MYO1B: variants seen among roughly 807,000 people sequenced by gnomAD.
The protein encoded by MYO1B is myosin IB.
Under a neutral mutation model 159.7 loss-of-function variants are expected in MYO1B, and 72 were observed. The ratio of observed to expected loss-of-function variants is 0.45; its 90% confidence interval spans 0.37 to 0.55. The LOEUF (loss-of-function observed/expected upper bound fraction) is 0.55, where lower values mean the gene tolerates loss of function less well. MYO1B is among the 20% of genes least tolerant of loss of function. MYO1B has a pLI of 0.00. For missense variants in MYO1B, 1,062 were observed against 1,364.8 expected (o/e 0.78, Z 3.50); for synonymous variants, 468 against 473.8 (o/e 0.99, Z 0.16).
chr2:191,297,831 G>A lies in MYO1B; in HGVS notation c.251+1605G>A, dbSNP rs376709131. 2.0e-5 allele frequency among the ~76,000 whole-genome samples: 3 copies of A among 152,174 alleles called. 1 individual carries two copies. The East Asian group carries it at 5.8e-4, about 29-fold the overall frequency. ...ACAATGTCTGGAGACATTTTTGATT[G>A]TGAAACTGGGGGTAGGAGGGTGCTT... On this transcript the variant is annotated intron_variant, in intron 3 of 30. Transcript: ENST00000392318.
chr2:191,251,571 T>C (rs966359422), intron 1 of MYO1B, among the ~76,000 whole-genome samples: 17 of 152,234 alleles, frequency 1.1e-4, no homozygotes, highest in African/African-American at 3.9e-4. Context: ...CAATTCTTCC[T>C]GGACTCAAGA....
intron 7 of MYO1B, among the ~76,000 whole-genome samples, chr2:191,359,928 G>C (rs1177301017): frequency 6.6e-6 from 1 of 152,132 alleles, no homozygotes; most frequent in Non-Finnish European, 1.5e-5. Flanking sequence ...GAAGACCTCA[G>C]ATTTATGGGT....
In MYO1B at chr2:191,363,874, T is replaced by C. The variant is rs567365330; in HGVS notation, c.912T>C (p.Asn304=). ...ATGAAAGCAAAATCAAAGATAAAAA[T>C]GGTACATCCGTGGAGAATCAACTTT... The part of the protein sequence containing the change: ...GLDESKIKDK[N]ELKEICELTG... The change falls in exon 10 of 31, where the codon AAT becomes AAC. Residue 304 remains asparagine, a splice_region_variant and synonymous_variant. Coordinates refer to ENST00000392318, the MANE Select transcript of MYO1B (RefSeq NM_001130158.3). 1 of 1,613,180 alleles carries C rather than the reference T, an allele frequency of 6.2e-7. No homozygotes were observed. The highest frequency in any genetic ancestry group is 8.5e-7 in the Non-Finnish European group (1 of 1,179,584).
chr2:191,333,582 T>G (rs1691631716), intron 4 of MYO1B, among the ~76,000 whole-genome samples: 1 of 152,170 alleles, frequency 6.6e-6, no homozygotes, highest in South Asian at 2.1e-4. Context: ...CACCACCCAT[T>G]ATCTCTCATG....
chr2:191,423,168 ACAT>A lies in MYO1B; in HGVS notation c.3288-665_3288-663del, dbSNP rs979439569. Among the ~76,000 whole-genome samples the A allele has an allele frequency of 1.8e-4, 28 of 152,292 alleles. 1 individual carries two copies. The highest frequency in any genetic ancestry group is 4.1e-4 in the South Asian group (2 of 4,830). On this transcript the variant is annotated intron_variant, in intron 30 of 30. Transcript: ENST00000392318. ...TGTGTCACTAGGTGATTTTGTGCAA[ACAT>A]CATAGAGTGTGTACTTACACAAACG...
At chr2:191,397,338 G>A (rs1211395735) in intron 21 of MYO1B, among the ~76,000 whole-genome samples, 4 of 145,694 alleles carry the variant, frequency 2.7e-5, no homozygotes, top group Non-Finnish European at 6.1e-5. Flanking sequence ...AGGACCCTGC[G>A]GCCTTCCGCA....
chr2:191,309,352 A>G (rs1689852185), intron 3 of MYO1B, among the ~76,000 whole-genome samples: 1 of 151,598 alleles, frequency 6.6e-6, no homozygotes, highest in Non-Finnish European at 1.5e-5. Flanking sequence ...CCAGGCCACT[A>G]CCCTCCTTTG....
chr2:191,350,956 G>T (rs1489019524), intron 7 of MYO1B, among the ~76,000 whole-genome samples: 1 of 152,002 alleles, frequency 6.6e-6, no homozygotes, highest in Non-Finnish European at 1.5e-5. Flanking sequence ...TGGAGTTGTG[G>T]CACCCACAGC....
intron 18 of MYO1B, among the ~76,000 whole-genome samples, chr2:191,391,271 G>A (rs1032272907): frequency 2.0e-5 from 3 of 152,204 alleles, no homozygotes; most frequent in African/African-American, 7.2e-5. Context: ...GGCAGGAAAT[G>A]GGCGATTTTC....
rs554329153 is a variant in MYO1B at position 191,344,802 on chromosome 2, C to T, written c.452-1434C>T. Among the ~76,000 whole-genome samples the T allele has an allele frequency of 1.8e-3, 223 of 127,210 alleles. 1 individual carries two copies. The highest frequency in any genetic ancestry group is 6.6e-3 in the African/African-American group (212 of 32,010). 83.5% of individuals were successfully genotyped at this position (127,210 alleles called of 152,430 possible). ...CCGAGATCCCGCCGCTGCACTCCAG[C>T]CTGGGCGACAGAGCGAGACTCCGTC... On this transcript the variant is annotated intron_variant, in intron 5 of 30. Coordinates refer to ENST00000392318, the MANE Select transcript of MYO1B (RefSeq NM_001130158.3).
rs766405095 is a variant in MYO1B at position 191,390,246 on chromosome 2, A to G, written c.1782-46A>G. On this transcript the variant is annotated intron_variant, in intron 17 of 30. Transcript: ENST00000392318. ...ACTTTGTGAAAACATAGACAATTATATCCATAGGAGGCAGTTTATAACCTA... is the reference window on the plus strand; with the variant it reads ...ACTTTGTGAAAACATAGACAATTATGTCCATAGGAGGCAGTTTATAACCTA... 4 of 1,542,794 alleles carry G rather than the reference A, an allele frequency of 2.6e-6. No homozygotes were observed. In the Admixed American group the frequency reaches 7.5e-5, roughly 29 times the overall value.
intron 9 of MYO1B, 50 bp downstream of exon 9, chr2:191,362,421 C>A: frequency 7.3e-7 from 1 of 1,375,934 alleles, no homozygotes; most frequent in Non-Finnish European, 1.0e-6. Flanking sequence ...CACTGCATTG[C>A]TCAGCGGGAG....
At chr2:191,361,093 C>T (rs1200365176) in intron 8 of MYO1B, among the ~76,000 whole-genome samples, 1 of 152,182 alleles carries the variant, frequency 6.6e-6, no homozygotes, top group East Asian at 1.9e-4. Flanking sequence ...TCACCAGATA[C>T]TGTGCCATAC....
chr2:191,321,857 G>A (rs1055836378), intron 3 of MYO1B, among the ~76,000 whole-genome samples: 2 of 152,110 alleles, frequency 1.3e-5, no homozygotes, highest in African/African-American at 4.8e-5. Context: ...GCTTCTAGAT[G>A]ACAGATTCTC....
At chr2:191,381,696 T>G in intron 14 of MYO1B, 130 bp downstream of exon 14, 1 of 665,042 alleles carries the variant, frequency 1.5e-6, no homozygotes, top group Non-Finnish European at 2.5e-6. Flanking sequence ...CATCTGTCAT[T>G]CTAGAAGAGG....
chr2:191,255,954 G>A (rs977585407), intron 1 of MYO1B, among the ~76,000 whole-genome samples: 9 of 152,186 alleles, frequency 5.9e-5, no homozygotes, highest in Admixed American at 4.6e-4. Flanking sequence ...CCTGGGAGGG[G>A]TGGTGAGCAG....
intron 13 of MYO1B, chr2:191,381,257 A>G (rs1695024664): frequency 3.2e-6 from 2 of 633,644 alleles, no homozygotes; most frequent in African/African-American, 1.8e-5. Flanking sequence ...TCATTTGTGT[A>G]TACTTCATTC....
At chr2:191,384,426 A>T (rs1476917666) in intron 15 of MYO1B, among the ~76,000 whole-genome samples, 1 of 152,210 alleles carries the variant, frequency 6.6e-6, no homozygotes, top group Non-Finnish European at 1.5e-5. Context: ...GTAATTAGCC[A>T]GTATTTTTTT....
chr2:191,305,827 G>A (rs1689619431), intron 3 of MYO1B, among the ~76,000 whole-genome samples: 1 of 152,136 alleles, frequency 6.6e-6, no homozygotes, highest in African/African-American at 2.4e-5. Context: ...CCCTGCCTGA[G>A]GAGCTAGGAG....
Sources: allele counts gnomAD v4.1 joint callset (sites outside exome capture counted in the v4.1 genomes callset), GRCh38; gene constraint gnomAD v4.1.1; transcripts MANE v1.5; gene names NCBI Gene and HGNC (gene_info 2026-07-23, HGNC 2026-07-21).